Variants in FRMD3 observed in about 807,000 individuals in gnomAD.
The protein encoded by FRMD3 is FERM domain containing 3, also known as FERM domain-containing protein 3.
FRMD3 carries 33 observed loss-of-function variants against 70.2 expected under a neutral mutation model. The ratio of observed to expected loss-of-function variants is 0.47; its 90% confidence interval spans 0.36 to 0.63. The LOEUF (loss-of-function observed/expected upper bound fraction) is 0.63. FRMD3 is among the 20% of genes least tolerant of loss of function. The pLI is 0.00. For missense variants in FRMD3, 632 were observed against 711.4 expected (o/e 0.89, Z 1.27); for synonymous variants, 279 against 255.9 (o/e 1.09, Z -0.86).
At chr9:83,430,664 C>T (rs1174532344) in intron 1 of FRMD3, among the ~76,000 whole-genome samples, 4 of 152,180 alleles carry the variant, frequency 2.6e-5, no homozygotes, top group Admixed American at 1.3e-4. Context: ...AGCAAACATT[C>T]ACCTATCTTT....
At chr9:83,577,135 G>A in the FRMD3 span, among the ~76,000 whole-genome samples, 1 of 151,990 alleles carries the variant, frequency 6.6e-6, no homozygotes, top group African/African-American at 2.4e-5. Context: ...ATATTATTAA[G>A]ATGGCAATAC....
chr9:83,448,538 G>C (rs1350034810), intron 1 of FRMD3, among the ~76,000 whole-genome samples: 1 of 152,168 alleles, frequency 6.6e-6, no homozygotes, highest in Non-Finnish European at 1.5e-5. Context: ...CAGTCTTCCA[G>C]GGGTGGCCAA....
At chr9:83,506,923 TA>T (rs1829195287) in intron 1 of FRMD3, among the ~76,000 whole-genome samples, 1 of 152,220 alleles carries the variant, frequency 6.6e-6, no homozygotes, top group Non-Finnish European at 1.5e-5. Context: ...TAAACTTTTT[TA>T]TTAAAATCTA....
At chr9:83,281,277 T>G (rs965526206) in intron 13 of FRMD3, among the ~76,000 whole-genome samples, 2 of 151,996 alleles carry the variant, frequency 1.3e-5, no homozygotes, top group Non-Finnish European at 2.9e-5. Flanking sequence ...CAACAATAGG[T>G]TTAGTAATAT....
At chr9:83,474,350 A>G (rs542688884) in intron 1 of FRMD3, among the ~76,000 whole-genome samples, 2 of 152,344 alleles carry the variant, frequency 1.3e-5, no homozygotes, top group African/African-American at 4.8e-5. Flanking sequence ...TCCCTGCTAA[A>G]TAAAGCAACC....
intron 1 of FRMD3, among the ~76,000 whole-genome samples, chr9:83,428,931 G>C (rs1218836281): frequency 1.3e-5 from 2 of 151,338 alleles, no homozygotes; most frequent in Non-Finnish European, 2.9e-5. Flanking sequence ...TTGATATGTA[G>C]ATCTACTCTT....
At chr9:83,522,872 T>C (rs772900510) in intron 1 of FRMD3, among the ~76,000 whole-genome samples, 13 of 152,122 alleles carry the variant, frequency 8.5e-5, no homozygotes, top group Non-Finnish European at 1.8e-4. Context: ...CCGATATATT[T>C]TTTAAAGTAG....
At chr9:83,252,089 C>T (rs935619192) in intron 13 of FRMD3, among the ~76,000 whole-genome samples, 2 of 152,022 alleles carry the variant, frequency 1.3e-5, no homozygotes, top group South Asian at 4.2e-4. Flanking sequence ...TCTCCAAGTT[C>T]GAAATGAAAG....
intron 12 of FRMD3, among the ~76,000 whole-genome samples, chr9:83,294,172 G>C (rs1434824385): frequency 6.6e-6 from 1 of 152,196 alleles, no homozygotes. Flanking sequence ...CCTTATAAAA[G>C]AGGTCTGAGA....
At chr9:83,376,521 G>A (rs1053615261) in intron 2 of FRMD3, among the ~76,000 whole-genome samples, 3 of 151,808 alleles carry the variant, frequency 2.0e-5, no homozygotes, top group African/African-American at 7.3e-5. Flanking sequence ...TCACCCCAGA[G>A]AAACACAGCC....
chr9:83,257,911 A>G (rs962999439), intron 13 of FRMD3, among the ~76,000 whole-genome samples: 1 of 152,226 alleles, frequency 6.6e-6, no homozygotes, highest in South Asian at 2.1e-4. Flanking sequence ...TTTCTCACCC[A>G]TAGAAAACAC....
chr9:83,329,019 G>A (rs1366833612), intron 6 of FRMD3, among the ~76,000 whole-genome samples: 1 of 152,078 alleles, frequency 6.6e-6, no homozygotes, highest in Non-Finnish European at 1.5e-5. Context: ...ATTGCACTTT[G>A]GTAACATTGC....
At chr9:83,379,472 T>C (rs899671935) in intron 2 of FRMD3, among the ~76,000 whole-genome samples, 1 of 152,194 alleles carries the variant, frequency 6.6e-6, no homozygotes, top group Non-Finnish European at 1.5e-5. Context: ...ATATCTGAAT[T>C]TGTGGCTAAT....
At position 83,308,661 on chromosome 9, in the gene FRMD3, C is replaced by G. The variant is rs76850284; in HGVS notation, c.926+875G>C. On this transcript the variant is annotated intron_variant, in intron 10 of 13. Transcript: ENST00000304195. ...AGAAGGTGTAACTCCATGCACAGAT[C>G]TCAGTTTGAACTTCTTTTGAAACCT... 4.4e-3 allele frequency among the ~76,000 whole-genome samples: 666 copies of G among 152,296 alleles called. 6 individuals are homozygous for G. Among genetic ancestry groups the G allele is most frequent in the African/African-American group, 0.015 (643 of 41,556 alleles).
intron 2 of FRMD3, among the ~76,000 whole-genome samples, chr9:83,385,353 T>C (rs1825481838): frequency 6.6e-6 from 1 of 152,186 alleles, no homozygotes; most frequent in Admixed American, 6.5e-5. Context: ...ATGAATGTTG[T>C]AGAAACTGAG....
At chr9:83,418,785 AC>A (rs1826532214) in intron 1 of FRMD3, among the ~76,000 whole-genome samples, 1 of 152,238 alleles carries the variant, frequency 6.6e-6, no homozygotes, top group Non-Finnish European at 1.5e-5. Context: ...CTGGGTATCT[AC>A]CCAGAGGAAA....
chr9:83,313,769 T>A, intron 6 of FRMD3, 22 bp from the exon 7 acceptor site: 1 of 1,582,306 alleles, frequency 6.3e-7, no homozygotes, highest in Non-Finnish European at 8.7e-7. Flanking sequence ...CAAGAAAAGT[T>A]GAGGCAGTTA....
intron 1 of FRMD3, among the ~76,000 whole-genome samples, chr9:83,407,951 G>A (rs149172893): frequency 7.6e-6 from 1 of 131,908 alleles, no homozygotes; most frequent in African/African-American, 2.9e-5. Context: ...TCTCCATGCA[G>A]CTCTCCATGT....
At chr9:83,546,225 T>C in the FRMD3 span, among the ~76,000 whole-genome samples, 1 of 152,126 alleles carries the variant, frequency 6.6e-6, no homozygotes, top group African/African-American at 2.4e-5. Flanking sequence ...GGCATGGCGG[T>C]AAGCCCCTAT....
Sources: allele counts gnomAD v4.1 joint callset (sites outside exome capture counted in the v4.1 genomes callset), GRCh38; gene constraint gnomAD v4.1.1; transcripts MANE v1.5; gene names NCBI Gene and HGNC (gene_info 2026-07-23, HGNC 2026-07-21).